Variants in NLGN1 observed in about 807,000 individuals in gnomAD.
NLGN1 encodes the protein neuroligin-1.
Under a neutral mutation model 65.5 loss-of-function variants are expected in NLGN1, and 12 were observed. The observed-to-expected ratio is 0.18, with a 90% CI of 0.12 to 0.30. The LOEUF is 0.30. Ranked by LOEUF, NLGN1 falls within the 10% of genes least tolerant of loss-of-function variation. The probability of loss-of-function intolerance (pLI) is 1.00; values close to 1 mark genes in which losing one functional copy is unlikely to be tolerated. For synonymous variants in NLGN1, 350 were observed against 359.5 expected (o/e 0.97, Z 0.30); for missense variants, 750 against 1,007.1 (o/e 0.74, Z 3.46).
At chr3:173,868,304 A>G (rs1003077243) in intron 4 of NLGN1, among the ~76,000 whole-genome samples, 1 of 152,282 alleles carries the variant, frequency 6.6e-6, no homozygotes, top group Middle Eastern at 3.4e-3. Flanking sequence ...AGGCAGTACT[A>G]TTTTAATTGT....
chr3:173,945,888 T>A (rs764189081), intron 4 of NLGN1, among the ~76,000 whole-genome samples: 3 of 152,222 alleles, frequency 2.0e-5, no homozygotes, highest in Admixed American at 1.3e-4. Context: ...GCAATCTCCC[T>A]GTGAAAATAG....
intron 2 of NLGN1, among the ~76,000 whole-genome samples, chr3:173,488,056 A>G (rs1728450640): frequency 6.6e-6 from 1 of 150,632 alleles, no homozygotes; most frequent in Non-Finnish European, 1.5e-5. Flanking sequence ...CTTCTGTTTG[A>G]TATTTTCTTC....
At chr3:173,540,190 T>C (rs986657224) in intron 2 of NLGN1, among the ~76,000 whole-genome samples, 6 of 152,110 alleles carry the variant, frequency 3.9e-5, no homozygotes, top group African/African-American at 9.7e-5. Flanking sequence ...GATTCCCTTA[T>C]AGGGACCATT....
At chr3:173,985,029 G>A (rs1719590031) in intron 4 of NLGN1, among the ~76,000 whole-genome samples, 1 of 152,270 alleles carries the variant, frequency 6.6e-6, no homozygotes, top group South Asian at 2.1e-4. Context: ...GCAATAGAGG[G>A]AGACTGTCTC....
At chr3:173,451,467 C>G (rs747743699) in intron 2 of NLGN1, among the ~76,000 whole-genome samples, 26 of 152,272 alleles carry the variant, frequency 1.7e-4, no homozygotes, top group Admixed American at 5.9e-4. Context: ...TCAGTCCGCC[C>G]CTAATGGGGG....
At chr3:174,276,041 A>G (rs1423439385) in intron 5 of NLGN1, among the ~76,000 whole-genome samples, 6 of 151,928 alleles carry the variant, frequency 3.9e-5, no homozygotes, top group African/African-American at 1.2e-4. Flanking sequence ...TTTCGCATGC[A>G]TGATCCAAAA....
At chr3:173,490,779 G>A (rs1293065111) in intron 2 of NLGN1, among the ~76,000 whole-genome samples, 1 of 152,088 alleles carries the variant, frequency 6.6e-6, no homozygotes, top group Non-Finnish European at 1.5e-5. Flanking sequence ...TTGAGCAGTG[G>A]TTTGTAGTTC....
chr3:173,944,149 G>GTGTC (rs1407278538), intron 4 of NLGN1, among the ~76,000 whole-genome samples: 1 of 151,820 alleles, frequency 6.6e-6, no homozygotes, highest in East Asian at 1.9e-4. Context: ...GTGTGTGTGT[G>GTGTC]TGTGTGTGTG....
At chr3:173,733,819 G>C (rs1362563987) in intron 3 of NLGN1, among the ~76,000 whole-genome samples, 1 of 152,028 alleles carries the variant, frequency 6.6e-6, no homozygotes, top group Admixed American at 6.6e-5. Flanking sequence ...AACACTGTTT[G>C]TGTAAAAATT....
intron 3 of NLGN1, among the ~76,000 whole-genome samples, chr3:173,661,000 A>G (rs1760842636): frequency 6.6e-6 from 1 of 151,934 alleles, no homozygotes; most frequent in East Asian, 1.9e-4. Context: ...CACTCATAAA[A>G]TATTATCTGA....
intron 3 of NLGN1, among the ~76,000 whole-genome samples, chr3:173,763,332 A>T (rs1578316110): frequency 6.6e-6 from 1 of 152,060 alleles, no homozygotes; most frequent in Non-Finnish European, 1.5e-5. Flanking sequence ...AATTGAATTT[A>T]TTTCTTCATT....
At chr3:174,285,176 A>T (rs557409613) in exon 7 of NLGN1, 2 of 151,558 alleles carry the variant, frequency 1.3e-5, no homozygotes, top group African/African-American at 2.4e-5. Context: ...GTTTCACTGA[A>T]ATAGTTTCAC....
chr3:174,196,563 T>G (rs757542007), intron 4 of NLGN1, among the ~76,000 whole-genome samples: 48 of 152,194 alleles, frequency 3.2e-4, no homozygotes, highest in Non-Finnish European at 5.7e-4. Flanking sequence ...GATCTTAACT[T>G]TAATGCACAA....
chr3:173,531,547 T>C (rs1158525200), intron 2 of NLGN1, among the ~76,000 whole-genome samples: 1 of 138,602 alleles, frequency 7.2e-6, no homozygotes, highest in Non-Finnish European at 1.6e-5. Context: ...ATTGTATTTG[T>C]TTTTACCTGT....
At chr3:173,823,970 G>A (rs1161941263) in intron 4 of NLGN1, among the ~76,000 whole-genome samples, 8 of 150,770 alleles carry the variant, frequency 5.3e-5, no homozygotes, top group South Asian at 2.1e-4. Context: ...AAAACACTTC[G>A]TTATTTTTAA....
At chr3:173,853,299 G>C (rs1408029035) in intron 4 of NLGN1, among the ~76,000 whole-genome samples, 1 of 152,146 alleles carries the variant, frequency 6.6e-6, no homozygotes, top group Non-Finnish European at 1.5e-5. Flanking sequence ...TGTTCCCATT[G>C]CTGATGCTTA....
intron 4 of NLGN1, among the ~76,000 whole-genome samples, chr3:173,852,313 G>C (rs1476076310): frequency 8.0e-6 from 1 of 124,604 alleles, no homozygotes; most frequent in East Asian, 2.8e-4. Flanking sequence ...CCGAGATCGC[G>C]CCACTGCACT....
At chr3:174,084,608 A>C (rs1276263179) in intron 4 of NLGN1, among the ~76,000 whole-genome samples, 1 of 152,076 alleles carries the variant, frequency 6.6e-6, no homozygotes, top group Non-Finnish European at 1.5e-5. Context: ...AGTATTCAGA[A>C]GTCAAAAAAT....
intron 4 of NLGN1, among the ~76,000 whole-genome samples, chr3:173,993,150 C>T (rs982074221): frequency 2.0e-4 from 30 of 152,132 alleles, no homozygotes; most frequent in African/African-American, 6.8e-4. Context: ...GTTTAATACT[C>T]TCGTTATGCG....
Sources: allele counts gnomAD v4.1 joint callset (sites outside exome capture counted in the v4.1 genomes callset), GRCh38; gene constraint gnomAD v4.1.1; transcripts MANE v1.5; gene names NCBI Gene and HGNC (gene_info 2026-07-23, HGNC 2026-07-21).